The following ADAMTS16 variants were observed in gnomAD, a reference collection of about 807,000 sequenced individuals.
ADAMTS16 encodes ADAM metallopeptidase with thrombospondin type 1 motif 16, also known as A disintegrin and metalloproteinase with thrombospondin motifs 16.
ADAMTS16 carries 94 observed loss-of-function variants against 145.8 expected under a neutral mutation model. That is an observed-to-expected ratio of 0.64 (90% CI 0.55 to 0.77). The LOEUF (loss-of-function observed/expected upper bound fraction) is 0.77. ADAMTS16 is among the 30% of genes least tolerant of loss of function. The pLI is 0.00. For synonymous variants in ADAMTS16, 659 were observed against 604.3 expected, an observed-to-expected ratio of 1.09 and a Z score of -1.33; for missense variants, 1,585 against 1,591.5, an observed-to-expected ratio of 1.00 and a Z score of 0.07.
At position 5,142,885 on chromosome 5, in the gene ADAMTS16, C is replaced by T. The variant is rs1421063075; in HGVS notation, c.175+2119C>T. ...ATAGATCAATAGAACAGAACAGAGA[C>T]CTCAGAAATAACACCACGCATCTAC... On this transcript the variant is annotated intron_variant, in intron 2 of 22. Transcript: ENST00000274181. Among the ~76,000 whole-genome samples the T allele has an allele frequency of 2.0e-5, 3 of 152,022 alleles. No homozygotes were observed. In the East Asian group the frequency reaches 5.8e-4, roughly 29 times the overall value.
chr5:5,294,084 ACTT>A (rs1389188678), intron 18 of ADAMTS16, among the ~76,000 whole-genome samples: 3 of 152,186 alleles, frequency 2.0e-5, no homozygotes, highest in Admixed American at 6.5e-5. Flanking sequence ...CGCTGGAAAT[ACTT>A]CTTCTTGGCA....
chr5:5,289,141 A>G (rs922587867), intron 18 of ADAMTS16, among the ~76,000 whole-genome samples: 22 of 152,182 alleles, frequency 1.4e-4, no homozygotes, highest in Non-Finnish European at 3.2e-4. Flanking sequence ...CACTTTTAGG[A>G]AATAATAGCA....
At chr5:5,245,983 A>G (rs1317171349) in intron 17 of ADAMTS16, among the ~76,000 whole-genome samples, 2 of 152,202 alleles carry the variant, frequency 1.3e-5, no homozygotes, top group Non-Finnish European at 2.9e-5. Context: ...TCAAATAGGG[A>G]AACAGCATGC....
intron 17 of ADAMTS16, among the ~76,000 whole-genome samples, chr5:5,250,248 A>G (rs1737580413): frequency 6.6e-6 from 1 of 152,172 alleles, no homozygotes; most frequent in South Asian, 2.1e-4. Flanking sequence ...CCTCCTGTTC[A>G]TATCAAATAG....
chr5:5,247,165 T>A (rs569129705), intron 17 of ADAMTS16, among the ~76,000 whole-genome samples: 1 of 152,190 alleles, frequency 6.6e-6, no homozygotes, highest in South Asian at 2.1e-4. Context: ...TAGAATGTTC[T>A]GAATCCCAGA....
At chr5:5,292,678 TC>T (rs1739379845) in intron 18 of ADAMTS16, among the ~76,000 whole-genome samples, 1 of 152,020 alleles carries the variant, frequency 6.6e-6, no homozygotes, top group Admixed American at 6.6e-5. Flanking sequence ...TGCCACTGCC[TC>T]CTCCAGTGTC....
At chr5:5,212,938 G>C (rs1736317696) in intron 10 of ADAMTS16, among the ~76,000 whole-genome samples, 2 of 151,994 alleles carry the variant, frequency 1.3e-5, no homozygotes, top group South Asian at 4.2e-4. Flanking sequence ...CTTTTTAACT[G>C]TACTTCCTTA....
At chr5:5,312,687 C>T (rs1579418931) in intron 21 of ADAMTS16, among the ~76,000 whole-genome samples, 2 of 152,072 alleles carry the variant, frequency 1.3e-5, no homozygotes, top group Admixed American at 6.5e-5. Flanking sequence ...ACCTCAGGTT[C>T]GAGAAGTGGA....
chr5:5,311,547 C>CTTTTT (rs11315258), intron 21 of ADAMTS16, among the ~76,000 whole-genome samples: 1 of 125,826 alleles, frequency 7.9e-6, no homozygotes. Context: ...TAGTCTGCTC[C>CTTTTT]TTTTTTTTTT....
At chr5:5,219,323 G>T (rs181088585) in intron 10 of ADAMTS16, among the ~76,000 whole-genome samples, 1 of 152,026 alleles carries the variant, frequency 6.6e-6, no homozygotes, top group Non-Finnish European at 1.5e-5. Context: ...TAAACATTAG[G>T]TGTTATTCCT....
Position 5,232,517 on chromosome 5 carries a change from G to C in ADAMTS16, c.1850+1G>C, listed in dbSNP as rs1736963632. Reference sequence around the variant, plus strand: ...GGAGTCGCCTCTGCACCAACCCCAAGTAAGTATGCCTTGACCTCCTTCCTC... The same window carrying C: ...GGAGTCGCCTCTGCACCAACCCCAACTAAGTATGCCTTGACCTCCTTCCTC... On this transcript the variant is annotated splice_donor_variant, in intron 12 of 22. Transcript: ENST00000274181. LOFTEE classifies it high-confidence loss of function. 1 of 1,608,982 alleles carries C rather than the reference G, an allele frequency of 6.2e-7. No homozygotes were observed. Among genetic ancestry groups the C allele is most frequent in the Admixed American group, 1.7e-5 (1 of 59,808 alleles).
intron 11 of ADAMTS16, among the ~76,000 whole-genome samples, chr5:5,231,187 G>C (rs1455201898): frequency 6.6e-6 from 1 of 152,192 alleles, no homozygotes; most frequent in Non-Finnish European, 1.5e-5. Flanking sequence ...ACACCGGGTG[G>C]GAGGGCAGGC....
chr5:5,305,828 CAG>C (rs1479745176), intron 20 of ADAMTS16, among the ~76,000 whole-genome samples: 4 of 152,220 alleles, frequency 2.6e-5, no homozygotes, highest in African/African-American at 9.6e-5. Flanking sequence ...ACCTCTGTCC[CAG>C]AGACCCTCCG....
At chr5:5,145,529 G>A (rs66961926) in intron 2 of ADAMTS16, among the ~76,000 whole-genome samples, 14,566 of 152,238 alleles carry the variant, frequency 0.096, 721 homozygotes, top group Middle Eastern at 0.16. Flanking sequence ...TCCAGACAGC[G>A]GGTTGTTGAA....
intron 10 of ADAMTS16, among the ~76,000 whole-genome samples, chr5:5,216,100 C>A (rs1317421775): frequency 2.0e-5 from 3 of 151,696 alleles, no homozygotes. Flanking sequence ...ACTTTTAGTT[C>A]TTTAAGGAAT....
chr5:5,319,300 T>C lies in ADAMTS16; in HGVS notation c.*162T>C. 1 of 619,658 alleles carries C rather than the reference T, an allele frequency of 1.6e-6. No homozygotes were observed. The highest frequency in any genetic ancestry group is 1.9e-5 in the South Asian group (1 of 53,824). 38.4% of individuals were successfully genotyped at this position (619,658 alleles called of 1,614,324 possible). Reference sequence around the variant, plus strand: ...CCAGGAGTGTATGTATGTGTTTCACTGTGAGCCTGGGTGCAGACCTGTGTC... The same window carrying C: ...CCAGGAGTGTATGTATGTGTTTCACCGTGAGCCTGGGTGCAGACCTGTGTC... On this transcript the variant is annotated 3_prime_UTR_variant, in exon 23 of 23. Transcript: ENST00000274181.
At chr5:5,208,369 T>C (rs1023113338) in intron 9 of ADAMTS16, among the ~76,000 whole-genome samples, 1 of 152,242 alleles carries the variant, frequency 6.6e-6, no homozygotes, top group Non-Finnish European at 1.5e-5. Flanking sequence ...AGGGATTTAG[T>C]TGCTATTTGA....
Position 5,301,069 on chromosome 5 carries a change from T to C in ADAMTS16, c.2790-2199T>C, listed in dbSNP as rs576026758. ...ATGAATTTTTATTTTTATTTATTTA[T>C]TGTATTGTATTCTATTTTTTGAGAC... On this transcript the variant is annotated intron_variant, in intron 18 of 22. Transcript: ENST00000274181. Among the ~76,000 whole-genome samples, 16 of 152,296 alleles carry C rather than the reference T, an allele frequency of 1.1e-4. No individual in the cohort carries two copies. The East Asian group carries it at 1.7e-3, about 17-fold the overall frequency.
intron 17 of ADAMTS16, among the ~76,000 whole-genome samples, chr5:5,254,072 G>A (rs946482537): frequency 2.6e-5 from 4 of 152,104 alleles, no homozygotes; most frequent in Non-Finnish European, 4.4e-5. Flanking sequence ...CCATTGTAGC[G>A]AATTCACACT....
Sources: allele counts gnomAD v4.1 joint callset (sites outside exome capture counted in the v4.1 genomes callset), GRCh38; gene constraint gnomAD v4.1.1; transcripts MANE v1.5; gene names NCBI Gene and HGNC (gene_info 2026-07-23, HGNC 2026-07-21).